The following PNPLA7 variants were observed in gnomAD, a reference collection of about 807,000 sequenced individuals.
The protein encoded by PNPLA7 is patatin like domain 7, lysophospholipase.
In PNPLA7, 153 loss-of-function variants were observed where a neutral mutation model predicts 161.7. The ratio of observed to expected loss-of-function variants is 0.95; its 90% confidence interval spans 0.83 to 1.08. The LOEUF (loss-of-function observed/expected upper bound fraction) is 1.08. PNPLA7 is among the 50% of genes least tolerant of loss of function. PNPLA7 has a pLI of 0.00. For synonymous variants in PNPLA7, 809 were observed against 782.1 expected (o/e 1.03, Z -0.57); for missense variants, 1,739 against 1,856.6 (o/e 0.94, Z 1.16).
intron 19 of PNPLA7, among the ~76,000 whole-genome samples, chr9:137,493,451 A>G (rs570625012): frequency 6.6e-6 from 1 of 152,352 alleles, no homozygotes; most frequent in African/African-American, 2.4e-5. Flanking sequence ...GCAGGCTGGC[A>G]GGCTTCTCTG....
At position 137,527,713 on chromosome 9, in the gene PNPLA7, T is replaced by C. The variant is rs1426638464; in HGVS notation, c.748-4856A>G. Among the ~76,000 whole-genome samples the C allele has an allele frequency of 2.6e-5, 4 of 152,246 alleles. No homozygotes were observed. In the East Asian group the frequency reaches 7.7e-4, roughly 29 times the overall value. ...ATGAGTGACTGGTTTGAAATTTTCC[T>C]TTCTTGTAATGTCTGTCTGATTAGG... On this transcript the variant is annotated intron_variant, in intron 8 of 34. Coordinates refer to ENST00000406427, the MANE Select transcript of PNPLA7 (RefSeq NM_001098537.3).
intron 25 of PNPLA7, among the ~76,000 whole-genome samples, chr9:137,474,416 C>T (rs1015282048): frequency 2.6e-5 from 4 of 152,230 alleles, no homozygotes; most frequent in East Asian, 3.9e-4. Flanking sequence ...ATCTCAGGCA[C>T]GTTATGTCGC....
In PNPLA7 at chr9:137,547,388, C is replaced by G. The variant is rs569119904; in HGVS notation, c.114G>C (p.Gly38=). ...GGGCCAGGAGGGCTCCAACTGCAAT[C>G]CCCGTCAGCTGGCCGAGAGTGGAAA... is the stretch of plus-strand genomic sequence containing the variant. The part of the protein sequence containing the change: ...EEGSPSTMLT[G]IAVGALLALA... Residue 38 remains glycine (G), a synonymous_variant, in exon 3 of 35, where the codon GGG becomes GGC. Transcript: ENST00000406427. This position sits in a 1 kb window ranked among gnomAD's most constrained non-coding sequence, Gnocchi z 4.6. 1.2e-6 allele frequency: 2 copies of G among 1,613,378 alleles called. No homozygotes were observed. The highest frequency in any genetic ancestry group is 1.7e-6 in the Non-Finnish European group (2 of 1,179,986).
chr9:137,505,350 T>C (rs1252091295), intron 14 of PNPLA7, among the ~76,000 whole-genome samples: 1 of 152,216 alleles, frequency 6.6e-6, no homozygotes, highest in Non-Finnish European at 1.5e-5. Flanking sequence ...GTATTAAATA[T>C]AAACATAGAT....
At chr9:137,496,387 G>A (rs561135661) in intron 18 of PNPLA7, among the ~76,000 whole-genome samples, 150 of 152,162 alleles carry the variant, frequency 9.9e-4, no homozygotes, top group African/African-American at 3.5e-3. Context: ...GATTACAGGC[G>A]TGAGCCACCA....
rs544402191 is a variant in PNPLA7, at chr9:137,545,194, C to T, written c.274-1379G>A. Among the ~76,000 whole-genome samples the T allele has an allele frequency of 2.4e-4, 36 of 152,240 alleles. 1 individual carries two copies. Among genetic ancestry groups the T allele is most frequent in the East Asian group, 7.7e-4 (4 of 5,164 alleles). ...TCCCCAGATCGGGGCTTGTGAAACT[C>T]GGATCCCTGAGCCCTGGCCCAGGGA... On this transcript the variant is annotated intron_variant, in intron 4 of 34. Coordinates refer to ENST00000406427, the MANE Select transcript of PNPLA7 (RefSeq NM_001098537.3).
intron 25 of PNPLA7, among the ~76,000 whole-genome samples, chr9:137,472,911 C>T (rs1337120773): frequency 1.3e-5 from 2 of 151,528 alleles, no homozygotes; most frequent in African/African-American, 4.9e-5. Context: ...GCCGAGATTG[C>T]ACCACTGCAC....
At chr9:137,488,713 C>A (rs969162215) in intron 20 of PNPLA7, among the ~76,000 whole-genome samples, 12 of 151,212 alleles carry the variant, frequency 7.9e-5, no homozygotes, top group Non-Finnish European at 1.5e-4. Flanking sequence ...CACCAGCAGA[C>A]ATCCCCCCCC....
At chr9:137,525,218 A>G (rs886454841) in intron 8 of PNPLA7, among the ~76,000 whole-genome samples, 2 of 152,246 alleles carry the variant, frequency 1.3e-5, no homozygotes, top group African/African-American at 4.8e-5. Flanking sequence ...CTGGGTGGCA[A>G]CACACATCAG....
In PNPLA7 at chr9:137,498,159, A is replaced by G. The variant is rs1423846210; in HGVS notation, c.1844T>C (p.Phe615Ser). The G allele has an allele frequency of 3.7e-6, 6 of 1,612,934 alleles. No homozygotes were observed. Among genetic ancestry groups the G allele is most frequent in the Admixed American group, 1.7e-5 (1 of 60,002 alleles). The change falls in exon 17 of 35, where the codon TTT becomes TCT. Residue 615 changes from phenylalanine to serine, a missense_variant. Physicochemically the swap from Phe to Ser is radical, Grantham distance 155. Transcript: ENST00000406427. ...RMSSFVRQID[F>S]ALDWVEVEAG... ...CTCCACCTCCACCCAGTCCAGGGCAAAGTCGATTTGCCGCACGAAGGACGA... is the reference window on the plus strand; with the variant it reads ...CTCCACCTCCACCCAGTCCAGGGCAGAGTCGATTTGCCGCACGAAGGACGA...
chr9:137,501,233 G>A lies in PNPLA7; in HGVS notation c.1552-337C>T, dbSNP rs117757322. On this transcript the variant is annotated intron_variant, in intron 15 of 34. Coordinates refer to ENST00000406427, the MANE Select transcript of PNPLA7 (RefSeq NM_001098537.3). Reference sequence around the variant, plus strand: ...TGCACGGGGGGTCCCATGCCGCCTCGCCTGGGGCCTGGCCTCTGAGGGGTG... The same window carrying A: ...TGCACGGGGGGTCCCATGCCGCCTCACCTGGGGCCTGGCCTCTGAGGGGTG... Among the ~76,000 whole-genome samples the A allele has an allele frequency of 8.3e-3, 1,270 of 152,248 alleles. 10 individuals carry two copies. The highest frequency in any genetic ancestry group is 0.014 in the Non-Finnish European group (962 of 67,998).
Position 137,467,488 on chromosome 9 carries a change from GAC to G in PNPLA7, c.2883-17_2883-16del. 6.2e-7 allele frequency: 1 copy of G among 1,611,866 alleles called. No individual in the cohort carries two copies. Among genetic ancestry groups the G allele is most frequent in the East Asian group, 2.2e-5 (1 of 44,876 alleles). On this transcript the variant is annotated splice_polypyrimidine_tract_variant and intron_variant, in intron 25 of 34. Coordinates refer to ENST00000406427, the MANE Select transcript of PNPLA7 (RefSeq NM_001098537.3). The surrounding 1 kb of genome is among the most constrained non-coding windows in gnomAD (Gnocchi z 5.1). ...GGGCACAGCCTCTACACCAGCCAGG[GAC>G]ACAGAGCAAGGAGTGAGTACCAGGC...
In PNPLA7 at chr9:137,546,861, A is replaced by G; in HGVS notation, c.242T>C (p.Val81Ala). 1 of 1,613,866 alleles carries G rather than the reference A, an allele frequency of 6.2e-7. No homozygotes were observed. Among genetic ancestry groups the G allele is most frequent in the Non-Finnish European group, 8.5e-7 (1 of 1,179,984 alleles). Residue 81 changes from valine to alanine, a missense_variant, in exon 4 of 35, where the codon GTG becomes GCG. By Grantham distance (64) the Val-to-Ala change is moderately conservative. Around this residue, in one of 6 missense-constraint regions of PNPLA7, gnomAD observed 209 missense variants for 252.8 expected, o/e 0.83. Transcript: ENST00000406427. ...CATGATCTTCCGGCCGTAAAACATC[A>G]CTTTGTCTCTCTTCCGGAACCGGTA... ...PQYRFRKRDK[V>A]MFYGRKIMRK...
intron 18 of PNPLA7, among the ~76,000 whole-genome samples, chr9:137,495,864 A>C (rs1008465489): frequency 2.0e-5 from 3 of 152,200 alleles, no homozygotes; most frequent in African/African-American, 7.2e-5. Context: ...ATGGAGCTGG[A>C]ACCACCAGGC....
chr9:137,463,054 G>C, intron 29 of PNPLA7: 2 of 675,740 alleles, frequency 3.0e-6, no homozygotes, highest in East Asian at 5.5e-5. Context: ...CAGGTGACAG[G>C]AGTGGCCTGG....
In PNPLA7 at chr9:137,467,308, CCTG is replaced by C; in HGVS notation, c.3039+6_3039+8del. The stretch of plus-strand genomic sequence containing the variant: ...TGTGCTCCGGTGAGGGTGATGGGTG[CCTG>C]CTTACCTCGGCCCACTGCTTGGCCC... On this transcript the variant is annotated splice_donor_region_variant and intron_variant, in intron 26 of 34. Coordinates refer to ENST00000406427, the MANE Select transcript of PNPLA7 (RefSeq NM_001098537.3). This position sits in a 1 kb window ranked among gnomAD's most constrained non-coding sequence, Gnocchi z 5.1. 2.5e-6 allele frequency: 4 copies of C among 1,609,626 alleles called. No individual in the cohort carries two copies. The highest frequency in any genetic ancestry group is 3.4e-6 in the Non-Finnish European group (4 of 1,177,986).
At chr9:137,484,807 C>G (rs117995682) in intron 20 of PNPLA7, 71 bp from the exon 21 acceptor site, 1 of 1,474,896 alleles carries the variant, frequency 6.8e-7, no homozygotes, top group South Asian at 1.3e-5. Context: ...TGCCCTGGGG[C>G]CCCCCGAGGC....
At chr9:137,478,872 G>T (rs1030653764) in intron 24 of PNPLA7, 184 bp downstream of exon 24, 15 of 862,070 alleles carry the variant, frequency 1.7e-5, no homozygotes, top group Admixed American at 3.4e-5. Context: ...CTTCCTAGCC[G>T]TGGCCACCAG....
intron 11 of PNPLA7, among the ~76,000 whole-genome samples, chr9:137,518,698 C>CCCTA (rs1429092092): frequency 4.5e-5 from 4 of 89,352 alleles, no homozygotes; most frequent in Non-Finnish European, 2.3e-5. Context: ...ACTCACTCCA[C>CCCTA]TCTGCTCACT....
Sources: allele counts gnomAD v4.1 joint callset (sites outside exome capture counted in the v4.1 genomes callset), GRCh38; gene constraint gnomAD v4.1.1; regional missense constraint gnomAD v4.1.1; non-coding constraint Gnocchi (gnomAD v3.1); transcripts MANE v1.5; gene names NCBI Gene and HGNC (gene_info 2026-07-23, HGNC 2026-07-21).